Variants in RALGPS1 observed in about 807,000 individuals in gnomAD.
RALGPS1 encodes the protein Ral GEF with PH domain and SH3 binding motif 1.
RALGPS1 carries 19 observed loss-of-function variants against 78.8 expected under a neutral mutation model. That is an observed-to-expected ratio of 0.24 (90% CI 0.17 to 0.35). RALGPS1 has a LOEUF of 0.35. Ranked by LOEUF, RALGPS1 falls within the 10% of genes least tolerant of loss-of-function variation. The pLI, the probability that RALGPS1 is intolerant of heterozygous loss-of-function variation, is 1.00. For missense variants in RALGPS1, 454 were observed against 688.3 expected (o/e 0.66, Z 3.81); for synonymous variants, 228 against 256.3 (o/e 0.89, Z 1.06).
At chr9:127,026,424 C>T (rs2045965048) in intron 4 of RALGPS1, among the ~76,000 whole-genome samples, 1 of 147,300 alleles carries the variant, frequency 6.8e-6, no homozygotes, top group African/African-American at 2.6e-5. Context: ...TGCATCCTTC[C>T]GTCCAATCAA....
At chr9:127,003,039 T>A (rs1242484800) in intron 4 of RALGPS1, among the ~76,000 whole-genome samples, 1 of 152,178 alleles carries the variant, frequency 6.6e-6, no homozygotes, top group East Asian at 1.9e-4. Flanking sequence ...TCCACAATGG[T>A]TGAACTAGTT....
chr9:127,089,379 A>G (rs2052171703), intron 8 of RALGPS1, among the ~76,000 whole-genome samples: 1 of 152,182 alleles, frequency 6.6e-6, no homozygotes, highest in Non-Finnish European at 1.5e-5. Flanking sequence ...CAGCCACTGT[A>G]TCCTCATCTG....
chr9:127,171,225 T>A (rs991931935), intron 10 of RALGPS1, among the ~76,000 whole-genome samples: 1 of 152,334 alleles, frequency 6.6e-6, no homozygotes, highest in East Asian at 1.9e-4. Flanking sequence ...TTGGACATTT[T>A]TCTATGCATA....
chr9:127,178,077 G>T, intron 11 of RALGPS1: 6 of 1,348,262 alleles, frequency 4.5e-6, no homozygotes, highest in East Asian at 2.8e-5. Flanking sequence ...AGGCTAAAGG[G>T]CATGGGGAAG....
chr9:127,176,965 C>T (rs1018635602), intron 11 of RALGPS1, among the ~76,000 whole-genome samples: 1 of 152,224 alleles, frequency 6.6e-6, no homozygotes, highest in African/African-American at 2.4e-5. Flanking sequence ...ACATTCTCCC[C>T]CTTGTTTTTG....
chr9:127,037,435 T>A (rs1313445888), intron 5 of RALGPS1, among the ~76,000 whole-genome samples: 4 of 152,254 alleles, frequency 2.6e-5, no homozygotes, highest in African/African-American at 9.6e-5. Context: ...TTCCAACTTG[T>A]CTCATGGACA....
rs547691029 is a variant in RALGPS1 at position 127,029,601 on chromosome 9, G to A, written c.217-4830G>A. ...TAGTGACTTGCCCTTGAGGCAATGC[G>A]TTTTCCATGTGGACACGTTTGATGA... On this transcript the variant is annotated intron_variant, in intron 4 of 18. Transcript: ENST00000259351. 2.0e-5 allele frequency among the ~76,000 whole-genome samples: 3 copies of A among 152,352 alleles called. No individual in the cohort carries two copies. In the East Asian group the frequency reaches 5.8e-4, roughly 29 times the overall value.
chr9:126,921,363 C>T (rs1414119857), intron 1 of RALGPS1, among the ~76,000 whole-genome samples: 1 of 152,194 alleles, frequency 6.6e-6, no homozygotes, highest in African/African-American at 2.4e-5. Flanking sequence ...GTGAGCTCTT[C>T]TGAAAGATAC....
rs756481918 is a variant in RALGPS1, at chr9:127,188,832, T to TTAAAA, written c.911-6259_911-6258insTAAAA. Among the ~76,000 whole-genome samples the TTAAAA allele has an allele frequency of 2.1e-3, 182 of 87,400 alleles. 16 individuals carry two copies. Among genetic ancestry groups the TTAAAA allele is most frequent in the South Asian group, 0.011 (21 of 1,836 alleles). The allele number at this position is 87,400 out of a possible 152,430, so 57.3% of individuals were successfully genotyped here. ...AAAGACTAAGAAACCCCATCTCTAC[T>TTAAAA]AAAAAAAAAAAAAAAAATGTAGCCA... On this transcript the variant is annotated intron_variant, in intron 11 of 18. Transcript: ENST00000259351.
intron 1 of RALGPS1, among the ~76,000 whole-genome samples, chr9:126,917,570 C>T (rs1016109685): frequency 6.6e-6 from 1 of 152,204 alleles, no homozygotes; most frequent in African/African-American, 2.4e-5. Flanking sequence ...ACTTCCTTAG[C>T]TTCACAGAGC....
At chr9:127,129,172 C>G (rs1488955872) in intron 8 of RALGPS1, among the ~76,000 whole-genome samples, 1 of 152,166 alleles carries the variant, frequency 6.6e-6, no homozygotes, top group African/African-American at 2.4e-5. Flanking sequence ...TAAGGCGTGT[C>G]CAGCTCTCTC....
intron 8 of RALGPS1, chr9:127,069,661 T>G (rs2050022767): frequency 4.5e-6 from 1 of 223,526 alleles, no homozygotes; most frequent in Admixed American, 5.3e-5. Context: ...TTCATCCACA[T>G]CCTCCTGAAC....
chr9:127,191,720 TG>T (rs2061055844), intron 11 of RALGPS1, among the ~76,000 whole-genome samples: 1 of 136,698 alleles, frequency 7.3e-6, no homozygotes, highest in South Asian at 2.6e-4. Context: ...TTTTTTGAGA[TG>T]GAGTCTCACT....
At chr9:127,129,969 G>T (rs1246221957) in intron 8 of RALGPS1, among the ~76,000 whole-genome samples, 1 of 152,232 alleles carries the variant, frequency 6.6e-6, no homozygotes, top group African/African-American at 2.4e-5. Context: ...TGTGGGGATT[G>T]CCTCTATGGG....
At chr9:127,119,826 A>T (rs2055857622) in intron 8 of RALGPS1, among the ~76,000 whole-genome samples, 1 of 152,146 alleles carries the variant, frequency 6.6e-6, no homozygotes, top group African/African-American at 2.4e-5. Flanking sequence ...TGCCAAGCTC[A>T]TGAAGTCAGT....
intron 1 of RALGPS1, among the ~76,000 whole-genome samples, chr9:126,936,360 C>A (rs487914): frequency 0.59 from 89,071 of 151,976 alleles, 30,172 homozygotes; most frequent in East Asian, 0.81. Flanking sequence ...ACTTCCAAAG[C>A]GAGGAGATTA....
chr9:126,958,953 T>C (rs1189076777), intron 1 of RALGPS1, among the ~76,000 whole-genome samples: 1 of 152,224 alleles, frequency 6.6e-6, no homozygotes, highest in Admixed American at 6.5e-5. Context: ...TTGTTTTCTT[T>C]TGTTTTTAAT....
chr9:126,959,230 T>A (rs1458727691), intron 1 of RALGPS1, among the ~76,000 whole-genome samples: 1 of 152,060 alleles, frequency 6.6e-6, no homozygotes, highest in Non-Finnish European at 1.5e-5. Flanking sequence ...TCTGACTGAT[T>A]TTTGTCTTTT....
At chr9:126,958,009 G>A (rs1255379961) in intron 1 of RALGPS1, among the ~76,000 whole-genome samples, 3 of 151,202 alleles carry the variant, frequency 2.0e-5, no homozygotes, top group African/African-American at 4.9e-5. Context: ...ATGGTGGCAC[G>A]TGCCTGTAAT....
Sources: gnomAD v4.1 joint callset for allele counts (sites outside exome capture counted in the v4.1 genomes callset) on GRCh38, gnomAD v4.1.1 for gene constraint, MANE v1.5 for transcripts, NCBI Gene and HGNC (gene_info 2026-07-23, HGNC 2026-07-21) for gene names.